STK3: variants seen among roughly 807,000 people sequenced by gnomAD.
STK3 encodes serine/threonine-protein kinase 3.
In STK3, 41 loss-of-function variants were observed where a neutral mutation model predicts 58.0. The ratio of observed to expected loss-of-function variants is 0.71; its 90% confidence interval spans 0.55 to 0.92. The LOEUF (loss-of-function observed/expected upper bound fraction) is 0.92, where lower values mean the gene tolerates loss of function less well. STK3 is among the 40% of genes least tolerant of loss of function. The pLI, the probability that STK3 is intolerant of heterozygous loss-of-function variation, is 0.00. For missense variants in STK3, 479 were observed against 602.7 expected (o/e 0.79, Z 2.15); for synonymous variants, 170 against 191.0 (o/e 0.89, Z 0.91).
chr8:98,403,688 C>T (rs1415943420), intron 3 of STK3, among the ~76,000 whole-genome samples: 1 of 152,184 alleles, frequency 6.6e-6, no homozygotes, highest in Non-Finnish European at 1.5e-5. Context: ...GAGCAGGCTC[C>T]AGCCACAAGA....
intron 6 of STK3, among the ~76,000 whole-genome samples, chr8:98,648,979 G>C (rs1820642435): frequency 6.7e-6 from 1 of 149,528 alleles, no homozygotes; most frequent in African/African-American, 2.5e-5. Flanking sequence ...ATCACTTGAA[G>C]CCAGGAGGCA....
At chr8:98,764,510 T>C (rs1313472778) in intron 3 of STK3, among the ~76,000 whole-genome samples, 1 of 152,186 alleles carries the variant, frequency 6.6e-6, no homozygotes, top group Non-Finnish European at 1.5e-5. Flanking sequence ...ATCTGAAGTA[T>C]CATAAAAAGG....
intron 10 of STK3, among the ~76,000 whole-genome samples, chr8:98,525,194 C>T (rs190306078): frequency 2.1e-3 from 314 of 152,242 alleles, no homozygotes; most frequent in Non-Finnish European, 2.8e-3. Context: ...ACTGCATGTT[C>T]TCACGTATAA....
intron 1 of STK3, among the ~76,000 whole-genome samples, chr8:98,908,727 C>T (rs1005237261): frequency 6.6e-6 from 1 of 150,820 alleles, no homozygotes; most frequent in Non-Finnish European, 1.5e-5. Flanking sequence ...CCTGTAATCC[C>T]AGCTACTCAG....
rs1172592577 is a variant in STK3, at chr8:98,527,886, T to C, written c.1142-969A>G. ...TAATCTGAGGTGAGTTGCCAATTAA[T>C]TTACCAGTTCTAAAACTAAATTCAA... On this transcript the variant is annotated intron_variant, in intron 9 of 10. Transcript: ENST00000419617. Among the ~76,000 whole-genome samples the C allele has an allele frequency of 2.6e-5, 4 of 152,104 alleles. No homozygotes were observed. In the South Asian group the frequency reaches 6.2e-4, roughly 24 times the overall value.
At chr8:98,421,565 C>G (rs1818173886) in intron 3 of STK3, among the ~76,000 whole-genome samples, 2 of 152,216 alleles carry the variant, frequency 1.3e-5, no homozygotes, top group South Asian at 4.2e-4. Context: ...CTTTTAAGGT[C>G]AGGAGTTTGA....
At chr8:98,850,609 G>A (rs1836423775) in intron 3 of STK3, among the ~76,000 whole-genome samples, 1 of 152,090 alleles carries the variant, frequency 6.6e-6, no homozygotes, top group Non-Finnish European at 1.5e-5. Flanking sequence ...AGAAGGAAGG[G>A]AATTTCGGGT....
chr8:98,586,409 GCA>G (rs1431325971), intron 7 of STK3, among the ~76,000 whole-genome samples: 4 of 150,800 alleles, frequency 2.7e-5, no homozygotes, highest in Admixed American at 1.3e-4. Flanking sequence ...TTATTGATTT[GCA>G]TATATTGAAC....
chr8:98,711,668 T>C (rs1048787212), intron 4 of STK3, among the ~76,000 whole-genome samples: 1 of 152,172 alleles, frequency 6.6e-6, no homozygotes, highest in African/African-American at 2.4e-5. Flanking sequence ...TTGGTGTACC[T>C]GAAAGTGATG....
chr8:98,557,557 C>A (rs765312650), intron 8 of STK3, among the ~76,000 whole-genome samples: 4 of 152,014 alleles, frequency 2.6e-5, no homozygotes, highest in Non-Finnish European at 4.4e-5. Flanking sequence ...GAGAAAACAT[C>A]AAAAATAGTC....
At chr8:98,678,920 TCTGCCTTC>T (rs1193410736) in intron 6 of STK3, among the ~76,000 whole-genome samples, 1 of 152,248 alleles carries the variant, frequency 6.6e-6, no homozygotes, top group Non-Finnish European at 1.5e-5. Context: ...TCATTCCATT[TCTGCCTTC>T]CTGCTTATAT....
downstream of STK3, among the ~76,000 whole-genome samples, chr8:98,450,661 A>G (rs1819157570): frequency 6.6e-6 from 1 of 152,248 alleles, no homozygotes; most frequent in Non-Finnish European, 1.5e-5. Flanking sequence ...AGGCACAAGA[A>G]CGCCACGTAT....
chr8:98,905,874 G>C (rs1564095375), intron 1 of STK3, among the ~76,000 whole-genome samples: 2 of 152,156 alleles, frequency 1.3e-5, no homozygotes, highest in Non-Finnish European at 2.9e-5. Flanking sequence ...GAGATTTATG[G>C]ACAGAAAAAG....
At chr8:98,627,286 G>A (rs1818790564) in intron 6 of STK3, among the ~76,000 whole-genome samples, 1 of 151,816 alleles carries the variant, frequency 6.6e-6, no homozygotes, top group African/African-American at 2.4e-5. Context: ...GACTGAGACA[G>A]GTGTATCACT....
intron 1 of STK3, among the ~76,000 whole-genome samples, chr8:98,445,423 TAA>T (rs1213586649): frequency 6.6e-6 from 1 of 152,156 alleles, no homozygotes; most frequent in Non-Finnish European, 1.5e-5. Context: ...TTAATTTTAA[TAA>T]TATATTTCCA....
intron 6 of STK3, among the ~76,000 whole-genome samples, chr8:98,650,957 T>C (rs936782501): frequency 3.3e-5 from 5 of 152,212 alleles, no homozygotes; most frequent in Admixed American, 1.3e-4. Context: ...CAGACTTAAA[T>C]GTCCCTGTCT....
intron 1 of STK3, among the ~76,000 whole-genome samples, chr8:98,923,854 T>TGTGTGTGTGCGC (rs1491486943): frequency 2.6e-5 from 3 of 113,694 alleles, no homozygotes; most frequent in South Asian, 6.0e-4. Context: ...TGTGTGTGTG[T>TGTGTGTGTGCGC]GCGCGCGCGC....
At chr8:98,742,810 T>C (rs1438212512) in intron 4 of STK3, among the ~76,000 whole-genome samples, 3 of 152,002 alleles carry the variant, frequency 2.0e-5, no homozygotes, top group East Asian at 1.9e-4. Context: ...GCAGATGACA[T>C]GATTGGATAT....
chr8:98,841,719 A>G (rs1286285437), intron 3 of STK3, among the ~76,000 whole-genome samples: 1 of 151,200 alleles, frequency 6.6e-6, no homozygotes. Context: ...AATGTAAAAA[A>G]TAAAAATAAA....
Sources: allele counts gnomAD v4.1 joint callset (sites outside exome capture counted in the v4.1 genomes callset), GRCh38; gene constraint gnomAD v4.1.1; transcripts MANE v1.5; gene names NCBI Gene and HGNC (gene_info 2026-07-23, HGNC 2026-07-21).